Variants in ARHGEF3 observed in about 807,000 individuals in gnomAD.
ARHGEF3 encodes Rho guanine nucleotide exchange factor 3, also known as 59.8 kDA protein.
ARHGEF3 carries 28 observed loss-of-function variants against 63.2 expected under a neutral mutation model. The observed-to-expected ratio is 0.44, with a 90% CI of 0.33 to 0.61. ARHGEF3 has a LOEUF of 0.61. Ranked by LOEUF, ARHGEF3 falls within the 20% of genes least tolerant of loss-of-function variation. The pLI is 0.03. For synonymous variants in ARHGEF3, 266 were observed against 254.2 expected (o/e 1.05, Z -0.44); for missense variants, 533 against 659.3 (o/e 0.81, Z 2.10).
chr3:56,754,947 G>A, intron 3 of ARHGEF3, 34 bp downstream of exon 3: 1 of 1,613,570 alleles, frequency 6.2e-7, no homozygotes, highest in South Asian at 1.1e-5. Flanking sequence ...CTTTGTTCCA[G>A]ACACACAGCC....
At chr3:57,073,120 A>G (rs2107411517) in intron 1 of ARHGEF3, among the ~76,000 whole-genome samples, 1 of 152,332 alleles carries the variant, frequency 6.6e-6, no homozygotes, top group East Asian at 1.9e-4. Flanking sequence ...GTTGGTTTTC[A>G]AAGATACTCA....
Position 56,745,343 on chromosome 3 carries a change from G to A in ARHGEF3, c.732C>T (p.Ser244=), listed in dbSNP as rs1197123844. Residue 244 remains serine (S), a synonymous_variant, in exon 7 of 10, where the codon TCC becomes TCT. Coordinates refer to ENST00000296315, the MANE Select transcript of ARHGEF3 (RefSeq NM_019555.3). ...VQDFLQRCLE[S]PFSRKLDLWN... ...AGAGATCTAGTTTGCGGCTAAAGGG[G>A]GATTCTAAACATCGCTGTAGGAAAT... 4 of 1,613,784 alleles carry A rather than the reference G, an allele frequency of 2.5e-6. No homozygotes were observed. The African/African-American group carries it at 4.0e-5, about 16-fold the overall frequency.
At chr3:56,931,039 A>G (rs17288993) in intron 3 of ARHGEF3, among the ~76,000 whole-genome samples, 18,227 of 152,228 alleles carry the variant, frequency 0.12, 1,326 homozygotes, top group East Asian at 0.25. Flanking sequence ...ATAAGGCAGC[A>G]GGAGGCTTTA....
At chr3:56,954,401 C>T (rs879759575) in intron 3 of ARHGEF3, among the ~76,000 whole-genome samples, 6 of 152,174 alleles carry the variant, frequency 3.9e-5, no homozygotes, top group Non-Finnish European at 8.8e-5. Context: ...CTGCCCCAAC[C>T]AGATGGGAGC....
chr3:56,743,941 G>A (rs1006273114), intron 7 of ARHGEF3, among the ~76,000 whole-genome samples: 3 of 151,924 alleles, frequency 2.0e-5, no homozygotes, highest in African/African-American at 7.3e-5. Context: ...TACAGAGCTT[G>A]TAAATGATGG....
At chr3:57,042,667 TATATATATATATATA>T (rs1704241755) in intron 1 of ARHGEF3, among the ~76,000 whole-genome samples, 1 of 12,800 alleles carries the variant, frequency 7.8e-5, no homozygotes, top group African/African-American at 4.2e-4. Flanking sequence ...TATATATATA[TATATATATATATATA>T]TATATATATA....
At chr3:56,780,325 C>T (rs1001722488) in intron 1 of ARHGEF3, among the ~76,000 whole-genome samples, 1 of 152,194 alleles carries the variant, frequency 6.6e-6, no homozygotes, top group Non-Finnish European at 1.5e-5. Flanking sequence ...TTAATATGAG[C>T]ATACTCTTTT....
chr3:57,075,578 AG>A (rs1706179414), intron 1 of ARHGEF3: 1 of 152,008 alleles, frequency 6.6e-6, no homozygotes, highest in African/African-American at 2.4e-5. Flanking sequence ...TGGGAGGCCA[AG>A]GCAGATGATC....
chr3:56,772,232 A>C (rs1377828457), intron 2 of ARHGEF3, among the ~76,000 whole-genome samples: 1 of 152,194 alleles, frequency 6.6e-6, no homozygotes, highest in African/African-American at 2.4e-5. Flanking sequence ...TTAACAGAGG[A>C]ACGGGCAGGG....
chr3:56,975,956 G>T, intron 2 of ARHGEF3: 5 of 216,798 alleles, frequency 2.3e-5, no homozygotes, highest in South Asian at 1.1e-4. Context: ...TTAATAGAAG[G>T]GTAATTTCAA....
rs1448126136 is a variant in ARHGEF3, at chr3:56,737,312, G to A, written c.914C>T (p.Thr305Ile). The stretch of plus-strand genomic sequence containing the variant: ...ATAATAGCGGCATTCAGATTCACCA[G>A]TCTTGGTGTTGATTTCTGCCACAAT... ...QGIVAEINTKTGESECRYYKE... is the reference protein window; with the variant it reads ...QGIVAEINTKIGESECRYYKE... The change falls in exon 8 of 10, where the codon ACT becomes ATT. Residue 305 changes from threonine (T) to isoleucine (I), a missense_variant. By Grantham distance (89) the Thr-to-Ile change is moderately conservative. Transcript: ENST00000296315. The A allele has an allele frequency of 6.2e-7, 1 of 1,613,370 alleles. No individual in the cohort carries two copies. Among genetic ancestry groups the A allele is most frequent in the Non-Finnish European group, 8.5e-7 (1 of 1,179,610 alleles).
At chr3:56,746,589 G>A (rs914570697) in intron 6 of ARHGEF3, among the ~76,000 whole-genome samples, 5 of 152,062 alleles carry the variant, frequency 3.3e-5, no homozygotes, top group Non-Finnish European at 7.4e-5. Flanking sequence ...AATTAGCCAG[G>A]CATGGTGGCA....
At chr3:57,062,451 C>CGGCGGG (rs1424096332) in intron 1 of ARHGEF3, among the ~76,000 whole-genome samples, 3 of 152,126 alleles carry the variant, frequency 2.0e-5, no homozygotes, top group Admixed American at 1.3e-4. Context: ...AGGAGCACGG[C>CGGCGGG]GGCGGGGGCG....
chr3:56,904,573 A>G (rs1199712111), intron 3 of ARHGEF3, among the ~76,000 whole-genome samples: 1 of 152,222 alleles, frequency 6.6e-6, no homozygotes, highest in Non-Finnish European at 1.5e-5. Flanking sequence ...AAAAAACATG[A>G]GAGGAGTAAC....
chr3:56,999,065 T>C (rs1211961523), intron 2 of ARHGEF3, among the ~76,000 whole-genome samples: 1 of 151,754 alleles, frequency 6.6e-6, no homozygotes, highest in Non-Finnish European at 1.5e-5. Context: ...TTGTTGTTGT[T>C]TTGAGATAGA....
intron 2 of ARHGEF3, among the ~76,000 whole-genome samples, chr3:56,963,100 G>GA (rs1700349863): frequency 6.6e-6 from 1 of 151,856 alleles, no homozygotes; most frequent in Non-Finnish European, 1.5e-5. Flanking sequence ...CTTGGTGGGG[G>GA]ACTTCAAGCA....
chr3:56,994,700 T>C (rs1219908238), intron 2 of ARHGEF3, among the ~76,000 whole-genome samples: 1 of 152,076 alleles, frequency 6.6e-6, no homozygotes, highest in Non-Finnish European at 1.5e-5. Flanking sequence ...CAAAACACAG[T>C]ATAACTTAAA....
chr3:56,952,663 C>T (rs1699865203), intron 3 of ARHGEF3, among the ~76,000 whole-genome samples: 1 of 151,988 alleles, frequency 6.6e-6, no homozygotes, highest in African/African-American at 2.4e-5. Context: ...CAACACAGTG[C>T]CAGGTAAAAT....
chr3:56,995,340 C>T (rs1701928495), intron 2 of ARHGEF3, among the ~76,000 whole-genome samples: 2 of 151,976 alleles, frequency 1.3e-5, no homozygotes, highest in Non-Finnish European at 2.9e-5. Flanking sequence ...CAAGCTCGTC[C>T]TCTGATGACT....
Sources: gnomAD v4.1 joint callset for allele counts (sites outside exome capture counted in the v4.1 genomes callset) on GRCh38, gnomAD v4.1.1 for gene constraint, MANE v1.5 for transcripts, NCBI Gene and HGNC (gene_info 2026-07-23, HGNC 2026-07-21) for gene names.